The following TRMT1L variants were observed in gnomAD, a reference collection of about 807,000 sequenced individuals.
TRMT1L encodes tRNA (guanine(27)-N(2))-dimethyltransferase.
A neutral mutation model predicts 81.6 loss-of-function variants in TRMT1L; 28 were observed. That is an observed-to-expected ratio of 0.34 (90% confidence interval 0.25 to 0.47). The LOEUF (loss-of-function observed/expected upper bound fraction) is 0.47. TRMT1L is among the 20% of genes least tolerant of loss of function. The pLI is 1.00. For missense variants in TRMT1L, 739 were observed against 877.1 expected (o/e 0.84, Z 1.99); for synonymous variants, 301 against 303.2 (o/e 0.99, Z 0.07).
intron 13 of TRMT1L, chr1:185,120,795 T>C (rs1046393869): frequency 4.7e-6 from 1 of 210,580 alleles, no homozygotes; most frequent in African/African-American, 2.3e-5. Context: ...ACTTCATACA[T>C]TTCATTGTTG....
rs573916414 is a variant in TRMT1L at position 185,127,648 on chromosome 1, A to G, written c.1592+1021T>C. On this transcript the variant is annotated intron_variant, in intron 11 of 14. Coordinates refer to ENST00000367506, the MANE Select transcript of TRMT1L (RefSeq NM_030934.5). ...GTGGCACATGCCTGTAATCCTGGCT[A>G]CTCAGGAGGCTGAGGTAGGAAAATT... 2.6e-5 allele frequency among the ~76,000 whole-genome samples: 4 copies of G among 151,288 alleles called. No individual in the cohort carries two copies. In the South Asian group the frequency reaches 8.3e-4, roughly 32 times the overall value.
intron 1 of TRMT1L, among the ~76,000 whole-genome samples, 197 bp from the exon 2 acceptor site, chr1:185,152,132 C>T (rs1653374461): frequency 6.6e-6 from 1 of 152,136 alleles, no homozygotes; most frequent in Non-Finnish European, 1.5e-5. Context: ...ACTGTATAAA[C>T]TTAGTTTTAA....
At chr1:185,131,653 CAG>C (rs1366223644) in intron 10 of TRMT1L, among the ~76,000 whole-genome samples, 1 of 150,960 alleles carries the variant, frequency 6.6e-6, no homozygotes, top group African/African-American at 2.4e-5. Flanking sequence ...CAAAATATGA[CAG>C]AAATTTAAAT....
At chr1:185,129,415 TG>T (rs200350020) in intron 10 of TRMT1L, among the ~76,000 whole-genome samples, 2,612 of 152,312 alleles carry the variant, frequency 0.017, 80 homozygotes, top group African/African-American at 0.06. Flanking sequence ...ATGAGAGTCC[TG>T]ATATAATCAC....
At chr1:185,149,150 ACT>A (rs1322219462) in intron 3 of TRMT1L, among the ~76,000 whole-genome samples, 2 of 152,128 alleles carry the variant, frequency 1.3e-5, no homozygotes, top group African/African-American at 4.8e-5. Flanking sequence ...TATCTAATAT[ACT>A]CATTTCAATG....
Position 185,119,982 on chromosome 1 carries a change from T to C in TRMT1L, c.*37A>G. The C allele has an allele frequency of 1.2e-6, 2 of 1,604,170 alleles. No homozygotes were observed. The highest frequency in any genetic ancestry group is 1.3e-5 in the African/African-American group (1 of 74,952). ...GTTGGTATAGAGAACTATTAGGCCA[T>C]CTATACAGACACCTGAGAACCAATT... is the stretch of plus-strand genomic sequence containing the variant. On this transcript the variant is annotated 3_prime_UTR_variant, in exon 15 of 15. Coordinates refer to ENST00000367506, the MANE Select transcript of TRMT1L (RefSeq NM_030934.5).
intron 4 of TRMT1L, among the ~76,000 whole-genome samples, chr1:185,146,363 T>C (rs1170146662): frequency 1.3e-5 from 2 of 152,054 alleles, no homozygotes; most frequent in Non-Finnish European, 2.9e-5. Flanking sequence ...AACAAAAGAC[T>C]GCTCCAATGG....
At chr1:185,151,502 C>T (rs1256624570) in intron 2 of TRMT1L, among the ~76,000 whole-genome samples, 1 of 152,150 alleles carries the variant, frequency 6.6e-6, no homozygotes, top group Non-Finnish European at 1.5e-5. Flanking sequence ...ACTTCATTTA[C>T]CTGACAGAAT....
intron 13 of TRMT1L, among the ~76,000 whole-genome samples, chr1:185,121,713 C>T (rs1466412368): frequency 1.3e-5 from 2 of 151,666 alleles, no homozygotes; most frequent in Non-Finnish European, 2.9e-5. Flanking sequence ...TGATGTAATA[C>T]GTTAATAGTG....
chr1:185,121,052 A>C (rs1322594722), intron 13 of TRMT1L, among the ~76,000 whole-genome samples: 1 of 152,196 alleles, frequency 6.6e-6, no homozygotes, highest in Non-Finnish European at 1.5e-5. Context: ...AGAAACTGAC[A>C]TAAGGTCAAT....
At chr1:185,151,166 T>G (rs896833873) in intron 2 of TRMT1L, among the ~76,000 whole-genome samples, 2 of 152,180 alleles carry the variant, frequency 1.3e-5, no homozygotes, top group Non-Finnish European at 2.9e-5. Context: ...GATGAAAGAA[T>G]TAAATTTCAA....
intron 10 of TRMT1L, among the ~76,000 whole-genome samples, chr1:185,133,104 A>C (rs555975974): frequency 2.6e-5 from 4 of 152,220 alleles, no homozygotes; most frequent in Non-Finnish European, 5.9e-5. Flanking sequence ...AAATGTAGCA[A>C]AGAGTTTAGG....
chr1:185,156,498 G>A lies in TRMT1L; in HGVS notation c.215C>T (p.Ala72Val), dbSNP rs2102267986. Residue 72 changes from alanine to valine, a missense_variant, in exon 1 of 15, where the codon GCC becomes GTC. Transcript: ENST00000367506. The part of the protein sequence containing the change: ...APALSPSLAS[A>V]PEEAKSKRHI... Reference sequence around the variant, plus strand: ...CTTACTGCTTTTAGCCTCCTCAGGGGCAGAGGCTAGGGACGGGGACAGGGC... The same window carrying A: ...CTTACTGCTTTTAGCCTCCTCAGGGACAGAGGCTAGGGACGGGGACAGGGC... The A allele has an allele frequency of 6.2e-7, 1 of 1,613,930 alleles. No homozygotes were observed. Among genetic ancestry groups the A allele is most frequent in the African/African-American group, 1.3e-5 (1 of 75,054 alleles).
chr1:185,148,477 C>A (rs753814447), intron 3 of TRMT1L, among the ~76,000 whole-genome samples: 1 of 152,184 alleles, frequency 6.6e-6, no homozygotes, highest in African/African-American at 2.4e-5. Flanking sequence ...TTCAATTTTA[C>A]GTCAACTACT....
chr1:185,147,086 G>T, intron 4 of TRMT1L, 96 bp downstream of exon 4: 1 of 770,028 alleles, frequency 1.3e-6, no homozygotes, highest in Non-Finnish European at 2.1e-6. Context: ...AAACCACACT[G>T]CTGAACATAC....
intron 4 of TRMT1L, among the ~76,000 whole-genome samples, chr1:185,146,979 T>C (rs897555991): frequency 2.0e-5 from 3 of 152,066 alleles, no homozygotes; most frequent in African/African-American, 7.2e-5. Flanking sequence ...AACTAAAAAC[T>C]GTAAAATGAG....
At position 185,127,759 on chromosome 1, in the gene TRMT1L, CAAAAAAAAAAAAAAA is replaced by C. The variant is rs986438990; in HGVS notation, c.1592+895_1592+909del. ...GGGCAACAAGAGTGAAACTCTGTCT[CAAAAAAAAAAAAAAA>C]AAAAAAAAAGAATCTCTAGTAACAA... On this transcript the variant is annotated intron_variant, in intron 11 of 14. Transcript: ENST00000367506. Among the ~76,000 whole-genome samples the C allele has an allele frequency of 3.0e-4, 11 of 36,450 alleles. No individual in the cohort carries two copies. The South Asian group carries it at 0.011, about 35-fold the overall frequency. The allele number at this position is 36,450 out of a possible 152,430, so 23.9% of individuals were successfully genotyped here.
intron 10 of TRMT1L, among the ~76,000 whole-genome samples, chr1:185,136,576 C>T (rs1336776239): frequency 2.0e-5 from 3 of 152,182 alleles, no homozygotes; most frequent in South Asian, 2.1e-4. Context: ...TCTATTCTCC[C>T]CAATTTAATG....
At position 185,147,162 on chromosome 1, in the gene TRMT1L, A is replaced by G. The variant is rs1653209055; in HGVS notation, c.525+20T>C. On this transcript the variant is annotated intron_variant, in intron 4 of 14. Coordinates refer to ENST00000367506, the MANE Select transcript of TRMT1L (RefSeq NM_030934.5). ...AAAAAGGACTAAATTTAAAAATAAA[A>G]AAATCTAATATCTGATCACCTGTTC... 1 of 1,569,260 alleles carries G rather than the reference A, an allele frequency of 6.4e-7. No homozygotes were observed. The highest frequency in any genetic ancestry group is 8.7e-7 in the Non-Finnish European group (1 of 1,151,628).
Sources: allele counts gnomAD v4.1 joint callset (sites outside exome capture counted in the v4.1 genomes callset), GRCh38; gene constraint gnomAD v4.1.1; transcripts MANE v1.5; gene names NCBI Gene and HGNC (gene_info 2026-07-23, HGNC 2026-07-21).